The following SLC41A2 variants were observed in gnomAD, a reference collection of about 807,000 sequenced individuals.
SLC41A2 encodes SLC41A1-like 1.
SLC41A2 carries 32 observed loss-of-function variants against 58.3 expected under a neutral mutation model. The ratio of observed to expected loss-of-function variants is 0.55; its 90% CI spans 0.41 to 0.74. The LOEUF (loss-of-function observed/expected upper bound fraction) is 0.74. SLC41A2 is among the 30% of genes least tolerant of loss of function. SLC41A2 has a pLI of 0.00. For synonymous variants in SLC41A2, 190 were observed against 235.0 expected (o/e 0.81, Z 1.75); for missense variants, 514 against 680.6 (o/e 0.76, Z 2.72).
chr12:104,921,814 C>A (rs1295956771), intron 2 of SLC41A2, among the ~76,000 whole-genome samples: 1 of 152,078 alleles, frequency 6.6e-6, no homozygotes, highest in Non-Finnish European at 1.5e-5. Context: ...CTACAGCAAC[C>A]CATTAAGAGA....
chr12:104,914,489 A>T (rs2046225714), intron 2 of SLC41A2, among the ~76,000 whole-genome samples: 1 of 151,136 alleles, frequency 6.6e-6, no homozygotes, highest in Admixed American at 6.6e-5. Flanking sequence ...CAAAAGACAT[A>T]CCATCCAAAG....
chr12:104,900,412 A>T (rs532291566), intron 3 of SLC41A2, among the ~76,000 whole-genome samples: 1 of 152,230 alleles, frequency 6.6e-6, no homozygotes, highest in Non-Finnish European at 1.5e-5. Flanking sequence ...CTGAATGTAC[A>T]GAGATGATAT....
chr12:104,842,017 T>G (rs544996148), intron 10 of SLC41A2, among the ~76,000 whole-genome samples: 1 of 152,146 alleles, frequency 6.6e-6, no homozygotes, highest in African/African-American at 2.4e-5. Context: ...ACTAAAATAT[T>G]TGAATAAGAG....
intron 3 of SLC41A2, among the ~76,000 whole-genome samples, chr12:104,907,938 G>A (rs1030474969): frequency 2.0e-5 from 3 of 152,190 alleles, no homozygotes; most frequent in African/African-American, 7.2e-5. Context: ...AACTTACAAA[G>A]CTCTGTAGGG....
intron 3 of SLC41A2, among the ~76,000 whole-genome samples, chr12:104,903,465 T>C (rs2045658192): frequency 6.6e-6 from 1 of 152,242 alleles, no homozygotes; most frequent in African/African-American, 2.4e-5. Context: ...CTTCAATGTG[T>C]ATCAGAATCA....
At position 104,844,579 on chromosome 12, in the gene SLC41A2, T is replaced by C. The variant is rs570315588; in HGVS notation, c.1429A>G (p.Ile477Val). 194 of 1,569,190 alleles carry C rather than the reference T, an allele frequency of 1.2e-4. 2 individuals are homozygous for C. The South Asian group carries it at 2.2e-3, about 18-fold the overall frequency. Residue 477 changes from isoleucine (I) to valine (V), a missense_variant, in exon 10 of 11, where the codon ATT becomes GTT. Physicochemically the swap from Ile to Val is conservative, Grantham distance 29. Transcript: ENST00000258538. ...TAGAGGAAAATTAAATGTCCAGGAA[T>C]CACTAAAAGCAGTAGAACTTGAGCA... The part of the protein sequence containing the change: ...KSAQVLLLLV[I>V]PGHLIFLYTI...
intron 5 of SLC41A2, 75 bp from the exon 6 acceptor site, chr12:104,886,514 A>C: frequency 6.8e-7 from 1 of 1,476,610 alleles, no homozygotes; most frequent in Non-Finnish European, 9.3e-7. Context: ...CAAAATGTGT[A>C]GGATAGAAAA....
intron 1 of SLC41A2, among the ~76,000 whole-genome samples, chr12:104,936,136 T>C (rs758200673): frequency 1.5e-4 from 23 of 152,284 alleles, no homozygotes; most frequent in Middle Eastern, 6.8e-3. Context: ...GATGCTGGTA[T>C]AAATACACCT....
At chr12:104,875,296 C>T (rs757785588) in intron 6 of SLC41A2, among the ~76,000 whole-genome samples, 24 of 152,068 alleles carry the variant, frequency 1.6e-4, no homozygotes, top group Admixed American at 5.9e-4. Flanking sequence ...TTGTTTAGGT[C>T]ATTTTTGTCT....
chr12:104,880,564 T>C (rs935893609), intron 6 of SLC41A2, among the ~76,000 whole-genome samples: 1 of 152,230 alleles, frequency 6.6e-6, no homozygotes, highest in Non-Finnish European at 1.5e-5. Flanking sequence ...TCTGCATCTA[T>C]TGAGATAACC....
intron 6 of SLC41A2, among the ~76,000 whole-genome samples, chr12:104,869,693 C>T (rs1012402240): frequency 3.0e-4 from 45 of 152,152 alleles, no homozygotes; most frequent in Non-Finnish European, 4.0e-4. Context: ...TAGGACCCTC[C>T]TAACTTATTC....
chr12:104,894,648 T>G (rs941787650), intron 4 of SLC41A2, among the ~76,000 whole-genome samples: 6 of 152,178 alleles, frequency 3.9e-5, no homozygotes, highest in Admixed American at 6.5e-5. Flanking sequence ...AAAATTAGTG[T>G]GCATTCCCTA....
chr12:104,838,621 G>T (rs1416254381), intron 10 of SLC41A2, among the ~76,000 whole-genome samples: 2 of 151,902 alleles, frequency 1.3e-5, no homozygotes, highest in African/African-American at 4.8e-5. Context: ...ATTTCTCAGT[G>T]GTTAAAACTT....
At chr12:104,887,581 A>G (rs1378290807) in intron 5 of SLC41A2, among the ~76,000 whole-genome samples, 1 of 151,996 alleles carries the variant, frequency 6.6e-6, no homozygotes, top group Non-Finnish European at 1.5e-5. Flanking sequence ...TTTAAAAAAA[A>G]TACATTATGC....
chr12:104,932,273 T>A (rs1289385060), intron 1 of SLC41A2, among the ~76,000 whole-genome samples: 1 of 152,088 alleles, frequency 6.6e-6, no homozygotes, highest in Non-Finnish European at 1.5e-5. Flanking sequence ...TTGTGAGCAG[T>A]CCTAAGCAAA....
intron 4 of SLC41A2, among the ~76,000 whole-genome samples, chr12:104,892,306 TA>T (rs796589517): frequency 0.05 from 6,151 of 123,274 alleles, 620 homozygotes; most frequent in East Asian, 0.18. Flanking sequence ...AAAAAAAAAA[TA>T]AAATAAAATA....
At chr12:104,926,819 C>G (rs953972664) in intron 2 of SLC41A2, among the ~76,000 whole-genome samples, 1 of 152,144 alleles carries the variant, frequency 6.6e-6, no homozygotes, top group African/African-American at 2.4e-5. Context: ...CACAGTGGTA[C>G]ACACCTGCAA....
At chr12:104,951,425 A>G (rs1324405519) in intron 1 of SLC41A2, 2 of 152,220 alleles carry the variant, frequency 1.3e-5, no homozygotes, top group Non-Finnish European at 2.9e-5. Context: ...AAAACTAACG[A>G]GCAAAATTTT....
chr12:104,837,894 T>C (rs1592967843), intron 10 of SLC41A2, among the ~76,000 whole-genome samples: 1 of 152,110 alleles, frequency 6.6e-6, no homozygotes, highest in East Asian at 1.9e-4. Context: ...TTACAAGAGG[T>C]TAATAAACCT....
Sources: allele counts gnomAD v4.1 joint callset (sites outside exome capture counted in the v4.1 genomes callset), GRCh38; gene constraint gnomAD v4.1.1; transcripts MANE v1.5; gene names NCBI Gene and HGNC (gene_info 2026-07-23, HGNC 2026-07-21).